ROBO2: variants seen among roughly 807,000 people sequenced by gnomAD.
ROBO2 encodes roundabout guidance receptor 2, also known as roundabout homolog 2.
A neutral mutation model predicts 160.8 loss-of-function variants in ROBO2; 53 were observed. The ratio of observed to expected loss-of-function variants is 0.33; its 90% CI spans 0.26 to 0.41. The LOEUF (loss-of-function observed/expected upper bound fraction) is 0.41, where lower values mean the gene tolerates loss of function less well. Ranked by LOEUF, ROBO2 falls within the 10% of genes least tolerant of loss-of-function variation. ROBO2 has a pLI of 1.00. For synonymous variants in ROBO2, 664 were observed against 611.7 expected (o/e 1.09, Z -1.26); for missense variants, 1,577 against 1,722.4 (o/e 0.92, Z 1.49).
At chr3:77,287,939 T>C (rs1193604231) in intron 2 of ROBO2, among the ~76,000 whole-genome samples, 1 of 152,138 alleles carries the variant, frequency 6.6e-6, no homozygotes, top group African/African-American at 2.4e-5. Context: ...TCAGTGACAA[T>C]ATTATGTATA....
chr3:77,467,099 A>G (rs1405876893), intron 2 of ROBO2, among the ~76,000 whole-genome samples: 1 of 152,200 alleles, frequency 6.6e-6, no homozygotes, highest in East Asian at 1.9e-4. Flanking sequence ...GGGATCCAGA[A>G]TAATGCAGCA....
At chr3:76,599,335 T>C (rs372426962) in intron 2 of ROBO2, among the ~76,000 whole-genome samples, 1 of 152,224 alleles carries the variant, frequency 6.6e-6, no homozygotes, top group African/African-American at 2.4e-5. Context: ...TTTGGTTTTC[T>C]GTTTCTGTAT....
intron 2 of ROBO2, among the ~76,000 whole-genome samples, chr3:77,014,326 T>C (rs1578255822): frequency 6.6e-6 from 1 of 152,312 alleles, no homozygotes; most frequent in East Asian, 1.9e-4. Context: ...GCTTAGGTAA[T>C]TTGTCCACTA....
chr3:76,315,631 A>G (rs2107820491), intron 2 of ROBO2, among the ~76,000 whole-genome samples: 1 of 152,336 alleles, frequency 6.6e-6, no homozygotes. Context: ...ATTATTAAGT[A>G]TTTGATGGTG....
At chr3:77,628,722 G>T (rs1244605333) in intron 23 of ROBO2, among the ~76,000 whole-genome samples, 2 of 152,136 alleles carry the variant, frequency 1.3e-5, no homozygotes, top group African/African-American at 4.8e-5. Flanking sequence ...AGACAGAGAG[G>T]CAGAGAGACA....
At chr3:77,492,795 G>A (rs1399763819) in intron 4 of ROBO2, among the ~76,000 whole-genome samples, 1 of 151,944 alleles carries the variant, frequency 6.6e-6, no homozygotes, top group Non-Finnish European at 1.5e-5. Context: ...ACATTTTTTG[G>A]TTTTCTCTAG....
At chr3:77,622,414 C>A in exon 23 of ROBO2, 1 of 1,614,068 alleles carries the variant, frequency 6.2e-7, no homozygotes, top group Non-Finnish European at 8.5e-7. Flanking sequence ...CATGGACAAT[C>A]TAGACAGCTC....
chr3:76,941,189 CCTT>C (rs755158177), intron 2 of ROBO2, among the ~76,000 whole-genome samples: 1 of 152,056 alleles, frequency 6.6e-6, no homozygotes, highest in Non-Finnish European at 1.5e-5. Flanking sequence ...TCTTTCATCT[CCTT>C]ATTTCAAGAC....
At chr3:77,026,657 G>A (rs777714954) in intron 2 of ROBO2, among the ~76,000 whole-genome samples, 41 of 152,160 alleles carry the variant, frequency 2.7e-4, no homozygotes, top group Non-Finnish European at 3.2e-4. Flanking sequence ...AGAATGTTCC[G>A]GAGAGGACTA....
chr3:77,343,063 AG>A (rs2067237872), intron 2 of ROBO2, among the ~76,000 whole-genome samples: 1 of 83,222 alleles, frequency 1.2e-5, no homozygotes, highest in African/African-American at 3.3e-5. Context: ...AGATGGAGAG[AG>A]AGAGAGAGAG....
intron 2 of ROBO2, among the ~76,000 whole-genome samples, chr3:77,380,518 GAGTAACAATTAAA>G (rs1178515276): frequency 6.6e-6 from 1 of 152,148 alleles, no homozygotes; most frequent in Non-Finnish European, 1.5e-5. Context: ...GAAAATCAAT[GAGTAACAATTAAA>G]AGACGGGATT....
chr3:76,009,972 T>A (rs1054260818), intron 2 of ROBO2, among the ~76,000 whole-genome samples: 1 of 152,252 alleles, frequency 6.6e-6, no homozygotes, highest in Non-Finnish European at 1.5e-5. Flanking sequence ...CAGTGATTAC[T>A]ATTTCTTTTC....
chr3:77,453,208 G>T (rs940461555), intron 2 of ROBO2, among the ~76,000 whole-genome samples: 12 of 152,036 alleles, frequency 7.9e-5, no homozygotes, highest in Non-Finnish European at 1.8e-4. Flanking sequence ...AATAAAAATA[G>T]GATATCTTCT....
intron 2 of ROBO2, among the ~76,000 whole-genome samples, chr3:76,124,300 G>A (rs2070877177): frequency 6.6e-6 from 1 of 151,998 alleles, no homozygotes; most frequent in Admixed American, 6.6e-5. Flanking sequence ...TCTAGCTAGA[G>A]TGTTATTTAC....
chr3:76,059,754 G>T (rs2068001575), intron 2 of ROBO2, among the ~76,000 whole-genome samples: 1 of 152,078 alleles, frequency 6.6e-6, no homozygotes, highest in South Asian at 2.1e-4. Context: ...GTATTGCCTA[G>T]GTTTTCTTCT....
chr3:77,040,927 G>A lies in ROBO2; in HGVS notation c.61+81G>A, dbSNP rs2149611364. ...AACCATTTCTTTTTGAATTTGATGTGGGTTATAAATGAAATGACATTATGT... is the reference window on the plus strand; with the variant it reads ...AACCATTTCTTTTTGAATTTGATGTAGGTTATAAATGAAATGACATTATGT... On this transcript the variant is annotated intron_variant, in intron 1 of 25. Coordinates refer to ENST00000461745, the Ensembl canonical transcript of ROBO2. 3.8e-6 allele frequency: 6 copies of A among 1,561,758 alleles called. No homozygotes were observed. The South Asian group carries it at 6.7e-5, about 17-fold the overall frequency.
chr3:76,000,892 C>T (rs1338819555), intron 2 of ROBO2, among the ~76,000 whole-genome samples: 1 of 151,918 alleles, frequency 6.6e-6, no homozygotes, highest in Admixed American at 6.6e-5. Flanking sequence ...ATAGCTTATG[C>T]TCTCTATCTT....
intron 2 of ROBO2, among the ~76,000 whole-genome samples, chr3:76,221,268 A>G (rs1474457389): frequency 6.6e-6 from 1 of 151,332 alleles, no homozygotes; most frequent in Non-Finnish European, 1.5e-5. Context: ...GAGTAGTGCC[A>G]CTCTCATTTT....
At chr3:76,209,469 T>G (rs1559642837) in intron 2 of ROBO2, among the ~76,000 whole-genome samples, 1 of 152,144 alleles carries the variant, frequency 6.6e-6, no homozygotes, top group Non-Finnish European at 1.5e-5. Flanking sequence ...ATAATTTATC[T>G]GTATGGTATA....
Sources: gnomAD v4.1 joint callset for allele counts (sites outside exome capture counted in the v4.1 genomes callset) on GRCh38, gnomAD v4.1.1 for gene constraint, MANE v1.5 for transcripts, NCBI Gene and HGNC (gene_info 2026-07-23, HGNC 2026-07-21) for gene names.